GABRB2: variants seen among roughly 807,000 people sequenced by gnomAD.
GABRB2 encodes gamma-aminobutyric acid type A receptor subunit beta2.
A neutral mutation model predicts 54.7 loss-of-function variants in GABRB2; 16 were observed. The observed-to-expected ratio is 0.29, with a 90% CI of 0.20 to 0.44. The LOEUF is 0.44. Ranked by LOEUF, GABRB2 falls within the 20% of genes least tolerant of loss-of-function variation. The probability of loss-of-function intolerance (pLI) is 1.00; values close to 1 mark genes in which losing one functional copy is unlikely to be tolerated. For missense variants in GABRB2, 355 were observed against 644.0 expected, an observed-to-expected ratio of 0.55 and a Z score of 4.86; for synonymous variants, 244 against 233.8, an observed-to-expected ratio of 1.04 and a Z score of -0.40.
intron 5 of GABRB2, among the ~76,000 whole-genome samples, chr5:161,362,754 C>A (rs6891404): frequency 0.093 from 14,195 of 152,110 alleles, 768 homozygotes; most frequent in East Asian, 0.17. Flanking sequence ...GACATTTATG[C>A]AGCCAACAAA....
At chr5:161,462,551 G>T (rs544488617) in intron 3 of GABRB2, among the ~76,000 whole-genome samples, 1 of 152,304 alleles carries the variant, frequency 6.6e-6, no homozygotes, top group Admixed American at 6.5e-5. Flanking sequence ...AGAGTTAGGA[G>T]AAATAATACC....
intron 3 of GABRB2, among the ~76,000 whole-genome samples, chr5:161,544,639 T>C (rs1187834188): frequency 2.0e-5 from 3 of 152,082 alleles, no homozygotes; most frequent in Non-Finnish European, 2.9e-5. Context: ...GGATGACACA[T>C]GGGTCTGAGC....
intron 3 of GABRB2, among the ~76,000 whole-genome samples, chr5:161,542,775 T>A (rs1760860406): frequency 6.6e-6 from 1 of 152,226 alleles, no homozygotes; most frequent in Non-Finnish European, 1.5e-5. Context: ...GTTAAATCAA[T>A]TTTGAAGTTT....
At chr5:161,429,641 T>C (rs1757118060) in intron 4 of GABRB2, among the ~76,000 whole-genome samples, 2 of 152,164 alleles carry the variant, frequency 1.3e-5, no homozygotes, top group Non-Finnish European at 2.9e-5. Flanking sequence ...TAAACAATAG[T>C]TGACTTTAAA....
intron 4 of GABRB2, among the ~76,000 whole-genome samples, chr5:161,413,136 T>A (rs956243878): frequency 1.3e-5 from 2 of 152,154 alleles, no homozygotes; most frequent in Non-Finnish European, 2.9e-5. Context: ...CTTTGTTCTA[T>A]TTGCTGTTAA....
chr5:161,477,391 A>G (rs1167114052), intron 3 of GABRB2, among the ~76,000 whole-genome samples: 3 of 151,876 alleles, frequency 2.0e-5, no homozygotes, highest in Non-Finnish European at 2.9e-5. Context: ...TTTGGAAAAC[A>G]GTATGGCTGT....
At chr5:161,465,443 T>C (rs1758251990) in intron 3 of GABRB2, among the ~76,000 whole-genome samples, 3 of 152,130 alleles carry the variant, frequency 2.0e-5, no homozygotes, top group Non-Finnish European at 4.4e-5. Flanking sequence ...AATTCCATTC[T>C]AGAAAATCCT....
intron 8 of GABRB2, among the ~76,000 whole-genome samples, chr5:161,328,546 A>G (rs1753724989): frequency 6.7e-6 from 1 of 148,420 alleles, no homozygotes; most frequent in East Asian, 1.9e-4. Flanking sequence ...GGGAAGGTAA[A>G]TATTGAACTT....
intron 9 of GABRB2, among the ~76,000 whole-genome samples, chr5:161,323,853 T>C (rs1758287988): frequency 6.6e-6 from 1 of 152,222 alleles, no homozygotes; most frequent in Non-Finnish European, 1.5e-5. Flanking sequence ...ATTAGGTATG[T>C]AAACTATCAT....
At chr5:161,501,473 C>T (rs1159410815) in intron 3 of GABRB2, among the ~76,000 whole-genome samples, 1 of 152,088 alleles carries the variant, frequency 6.6e-6, no homozygotes, top group Non-Finnish European at 1.5e-5. Flanking sequence ...TATGCTATTT[C>T]CCTTTTGACA....
At chr5:161,434,157 G>T (rs896940259) in intron 4 of GABRB2, among the ~76,000 whole-genome samples, 3 of 152,124 alleles carry the variant, frequency 2.0e-5, no homozygotes, top group African/African-American at 7.2e-5. Context: ...AAATATCAGG[G>T]CTAAATTCAG....
chr5:161,337,658 T>A (rs1754031596), intron 5 of GABRB2, among the ~76,000 whole-genome samples: 1 of 152,114 alleles, frequency 6.6e-6, no homozygotes, highest in Admixed American at 6.6e-5. Flanking sequence ...AGCACACATA[T>A]AATCCTAGCT....
upstream of GABRB2, chr5:161,546,799 G>GT: frequency 3.7e-6 from 4 of 1,092,174 alleles, no homozygotes; most frequent in East Asian, 3.6e-5. Context: ...AGATTTCCTT[G>GT]TTTAAAAAAA....
At chr5:161,500,758 A>G (rs557613785) in intron 3 of GABRB2, among the ~76,000 whole-genome samples, 1 of 152,226 alleles carries the variant, frequency 6.6e-6, no homozygotes, top group Admixed American at 6.6e-5. Flanking sequence ...GTTTCCAAAC[A>G]TAACAGGCAA....
At chr5:161,393,988 T>A (rs147858666) in intron 5 of GABRB2, among the ~76,000 whole-genome samples, 2,915 of 152,076 alleles carry the variant, frequency 0.019, 38 homozygotes, top group Middle Eastern at 0.082. Flanking sequence ...GATGGACAAT[T>A]CTCCATAAAT....
intron 5 of GABRB2, among the ~76,000 whole-genome samples, chr5:161,398,054 G>A (rs547030194): frequency 6.6e-6 from 1 of 152,174 alleles, no homozygotes; most frequent in African/African-American, 2.4e-5. Context: ...TAGATAGATA[G>A]ATAGACAGAG....
rs1311054696 is a variant in GABRB2 at position 161,345,211 on chromosome 5, T to G, written c.542-8442A>C. Among the ~76,000 whole-genome samples the G allele has an allele frequency of 2.0e-5, 3 of 152,104 alleles. No individual in the cohort carries two copies. The South Asian group carries it at 6.2e-4, about 32-fold the overall frequency. ...ATATAATTTAGAAAAAGAAAAAAAT[T>G]TAATCAGTATACTTCATATTTGTGC... On this transcript the variant is annotated intron_variant, in intron 5 of 9. Coordinates refer to ENST00000393959, the MANE Select transcript of GABRB2 (RefSeq NM_001371727.1).
At chr5:161,427,743 C>T (rs1757044778) in intron 4 of GABRB2, among the ~76,000 whole-genome samples, 1 of 152,084 alleles carries the variant, frequency 6.6e-6, no homozygotes, top group Non-Finnish European at 1.5e-5. Context: ...TTAATGACAA[C>T]AAGGGCTAGG....
chr5:161,316,086 G>A (rs888805518), intron 9 of GABRB2, among the ~76,000 whole-genome samples: 1 of 152,154 alleles, frequency 6.6e-6, no homozygotes, highest in Non-Finnish European at 1.5e-5. Context: ...AGGAGGTAAT[G>A]AGACTGATGA....
Sources: allele counts gnomAD v4.1 joint callset (sites outside exome capture counted in the v4.1 genomes callset), GRCh38; gene constraint gnomAD v4.1.1; transcripts MANE v1.5; gene names NCBI Gene and HGNC (gene_info 2026-07-23, HGNC 2026-07-21).